Variants in AGAP1 observed in about 807,000 individuals in gnomAD.
AGAP1 encodes the protein ArfGAP with GTPase domain, ankyrin repeat and PH domain 1.
A neutral mutation model predicts 105.3 loss-of-function variants in AGAP1; 29 were observed. The ratio of observed to expected loss-of-function variants is 0.28; its 90% confidence interval spans 0.21 to 0.38. The LOEUF (loss-of-function observed/expected upper bound fraction) is 0.38, where lower values mean the gene tolerates loss of function less well. Among genes scored for constraint, AGAP1 ranks in the 10% least tolerant of loss-of-function variants. The pLI, the probability that AGAP1 is intolerant of heterozygous loss-of-function variation, is 1.00. For synonymous variants in AGAP1, 509 were observed against 485.9 expected (o/e 1.05, Z -0.63); for missense variants, 998 against 1,165.1 (o/e 0.86, Z 2.09).
Position 235,904,481 on chromosome 2 carries a change from C to T in AGAP1, c.1156-4257C>T, listed in dbSNP as rs528560580. On this transcript the variant is annotated intron_variant, in intron 10 of 17. Transcript: ENST00000304032. The surrounding 1 kb of genome is among the most constrained non-coding windows in gnomAD (Gnocchi z 4.2). ...CTGGCTCTTGAGTGGGCCCCAGGGA[C>T]TTGTTAAGTGCTGTTTAAAAGTACT... Among the ~76,000 whole-genome samples the T allele has an allele frequency of 3.3e-5, 5 of 152,162 alleles. No homozygotes were observed. The highest frequency in any genetic ancestry group is 7.3e-5 in the Non-Finnish European group (5 of 68,036).
At chr2:235,679,224 G>A (rs1948929069) in intron 1 of AGAP1, among the ~76,000 whole-genome samples, 1 of 152,182 alleles carries the variant, frequency 6.6e-6, no homozygotes. Flanking sequence ...TCTACCTTGT[G>A]CCAGTAAACA....
At chr2:235,613,617 C>T (rs1946211727) in intron 1 of AGAP1, among the ~76,000 whole-genome samples, 1 of 151,986 alleles carries the variant, frequency 6.6e-6, no homozygotes. Context: ...TCCCCATTCT[C>T]CCTGAAAAAA....
Position 235,691,621 on chromosome 2 carries a change from T to C in AGAP1, c.164-17558T>C, listed in dbSNP as rs185223847. ...TCCCATGTTGACAAGTGCTGGACAGTGGACACCAGCGGGAGACTCAGTACA... is the reference window on the plus strand; with the variant it reads ...TCCCATGTTGACAAGTGCTGGACAGCGGACACCAGCGGGAGACTCAGTACA... On this transcript the variant is annotated intron_variant, in intron 1 of 17. Transcript: ENST00000304032. The surrounding 1 kb of genome is among the most constrained non-coding windows in gnomAD (Gnocchi z 4.4). Among the ~76,000 whole-genome samples the C allele has an allele frequency of 1.4e-4, 21 of 152,336 alleles. No individual in the cohort carries two copies. Among genetic ancestry groups the C allele is most frequent in the Admixed American group, 1.3e-3 (20 of 15,300 alleles).
At chr2:235,913,357 ATTTG>A (rs1268716232) in intron 11 of AGAP1, among the ~76,000 whole-genome samples, 3 of 151,926 alleles carry the variant, frequency 2.0e-5, no homozygotes, top group East Asian at 1.9e-4. Context: ...TCCACCTTTA[ATTTG>A]TTTGTGTCTA....
intron 1 of AGAP1, among the ~76,000 whole-genome samples, chr2:235,626,077 G>A (rs1226954652): frequency 1.3e-5 from 2 of 151,998 alleles, no homozygotes; most frequent in Non-Finnish European, 2.9e-5. Flanking sequence ...AGGCCAGTGC[G>A]GTGGCTCATG....
At chr2:235,954,584 A>G (rs2053870968) in intron 12 of AGAP1, among the ~76,000 whole-genome samples, 2 of 149,950 alleles carry the variant, frequency 1.3e-5, no homozygotes, top group East Asian at 2.0e-4. Flanking sequence ...TGTGTGAATG[A>G]TAATTGTCTG....
intron 16 of AGAP1, among the ~76,000 whole-genome samples, chr2:236,098,443 G>A (rs995515471): frequency 2.6e-5 from 4 of 151,714 alleles, no homozygotes; most frequent in East Asian, 1.9e-4. Flanking sequence ...GGTGGTGCAC[G>A]CCTGTAATCC....
intron 16 of AGAP1, among the ~76,000 whole-genome samples, chr2:236,068,543 G>A (rs1351449535): frequency 2.0e-5 from 3 of 152,026 alleles, no homozygotes; most frequent in Non-Finnish European, 4.4e-5. Flanking sequence ...GCTCACGCCT[G>A]TAATCCCAGC....
At position 236,036,418 on chromosome 2, in the gene AGAP1, G is replaced by A. The variant is rs559351574; in HGVS notation, c.1646-143G>A. ...GGGAGGTGCATGGATTCAAATCTCCGCCGCCGTGGTTGTCCAGTGCCGTGC... is the reference window on the plus strand; with the variant it reads ...GGGAGGTGCATGGATTCAAATCTCCACCGCCGTGGTTGTCCAGTGCCGTGC... On this transcript the variant is annotated intron_variant, in intron 13 of 17. Transcript: ENST00000304032. This position sits in a 1 kb window ranked among gnomAD's most constrained non-coding sequence, Gnocchi z 5.7. The A allele has an allele frequency of 2.1e-5, 23 of 1,092,676 alleles. No homozygotes were observed. The highest frequency in any genetic ancestry group is 2.3e-4 in the Middle Eastern group (1 of 4,324). 67.7% of individuals were successfully genotyped at this position (1,092,676 alleles called of 1,614,324 possible).
rs1162994242 is a variant in AGAP1 at position 235,931,847 on chromosome 2, C to G, written c.1483+924C>G. ...CAAACCAAGCCGGGAGACGCGGAGT[C>G]AGCGAGGTAGCTCCACACCATAGCG... On this transcript the variant is annotated intron_variant, in intron 12 of 17. Transcript: ENST00000304032. The surrounding 1 kb of genome is among the most constrained non-coding windows in gnomAD (Gnocchi z 5.6). 6.6e-6 allele frequency among the ~76,000 whole-genome samples: 1 copy of G among 152,020 alleles called. No homozygotes were observed. Among genetic ancestry groups the G allele is most frequent in the East Asian group, 1.9e-4 (1 of 5,136 alleles).
chr2:235,975,659 A>G (rs977306918), intron 13 of AGAP1, among the ~76,000 whole-genome samples: 6 of 152,202 alleles, frequency 3.9e-5, no homozygotes, highest in Non-Finnish European at 7.3e-5. Context: ...TATCCAGTCT[A>G]CAGGGGCTTT....
In AGAP1 at chr2:236,083,027, C is replaced by G. The variant is rs182868823; in HGVS notation, c.2114+33746C>G. Among the ~76,000 whole-genome samples the G allele has an allele frequency of 2.0e-5, 3 of 152,042 alleles. No homozygotes were observed. In the East Asian group the frequency reaches 5.8e-4, roughly 30 times the overall value. On this transcript the variant is annotated intron_variant, in intron 16 of 17. Coordinates refer to ENST00000304032, the MANE Select transcript of AGAP1 (RefSeq NM_001037131.3). This position sits in a 1 kb window ranked among gnomAD's most constrained non-coding sequence, Gnocchi z 5.3. The stretch of plus-strand genomic sequence containing the variant: ...AAAATTAGGCAGGCGTGGTGGTGCA[C>G]GCCTGTAATCCCAGCTACTTAGGAG...
rs939198821 is a variant in AGAP1, at chr2:235,734,142, C to G, written c.311-6821C>G. Among the ~76,000 whole-genome samples the G allele has an allele frequency of 5.3e-5, 8 of 152,130 alleles. No individual in the cohort carries two copies. The highest frequency in any genetic ancestry group is 1.0e-4 in the Non-Finnish European group (7 of 68,030). On this transcript the variant is annotated intron_variant, in intron 3 of 17. Coordinates refer to ENST00000304032, the MANE Select transcript of AGAP1 (RefSeq NM_001037131.3). The surrounding 1 kb of genome is among the most constrained non-coding windows in gnomAD (Gnocchi z 5.3). ...TCCTTTTCAAGGTATCCATCTCATC[C>G]CACTTGTTAAAAATAATTAGGGAAT...
In AGAP1 at chr2:235,582,361, T is replaced by C. The variant is rs754920770; in HGVS notation, c.163+87512T>C. Among the ~76,000 whole-genome samples, 1 of 152,218 alleles carries C rather than the reference T, an allele frequency of 6.6e-6. No individual in the cohort carries two copies. The highest frequency in any genetic ancestry group is 1.5e-5 in the Non-Finnish European group (1 of 68,038). On this transcript the variant is annotated intron_variant, in intron 1 of 17. Transcript: ENST00000304032. This position sits in a 1 kb window ranked among gnomAD's most constrained non-coding sequence, Gnocchi z 4.7. Reference sequence around the variant, plus strand: ...CACTAAAGCCCAAGACCAGGATTGCTTGTCCTTTGCAGTGTGCTGGACAGG... The same window carrying C: ...CACTAAAGCCCAAGACCAGGATTGCCTGTCCTTTGCAGTGTGCTGGACAGG...
intron 6 of AGAP1, among the ~76,000 whole-genome samples, chr2:235,767,871 G>A (rs962314482): frequency 1.2e-4 from 15 of 129,270 alleles, no homozygotes; most frequent in African/African-American, 3.5e-4. Flanking sequence ...TGCAACCTCC[G>A]CCTCCGAGGT....
intron 4 of AGAP1, among the ~76,000 whole-genome samples, chr2:235,742,395 G>T (rs182301324): frequency 2.0e-5 from 3 of 152,274 alleles, no homozygotes; most frequent in African/African-American, 7.2e-5. Flanking sequence ...ATAATTAGGT[G>T]CATTCTGATT....
Position 236,105,047 on chromosome 2 carries a change from G to A in AGAP1, c.2115-15145G>A, listed in dbSNP as rs1312001638. On this transcript the variant is annotated intron_variant, in intron 16 of 17. Coordinates refer to ENST00000304032, the MANE Select transcript of AGAP1 (RefSeq NM_001037131.3). The surrounding 1 kb of genome is among the most constrained non-coding windows in gnomAD (Gnocchi z 4.2). ...TAGCATCAGGAGAGACACTGTCCTG[G>A]CTGCTGGGTGGGAAGATAAAGCTGA... Among the ~76,000 whole-genome samples, 1 of 152,086 alleles carries A rather than the reference G, an allele frequency of 6.6e-6. No individual in the cohort carries two copies. The highest frequency in any genetic ancestry group is 1.5e-5 in the Non-Finnish European group (1 of 68,022).
chr2:235,706,452 TCTC>T (rs1950540288), intron 1 of AGAP1, among the ~76,000 whole-genome samples: 2 of 151,894 alleles, frequency 1.3e-5, no homozygotes. Flanking sequence ...ATGATCTTGA[TCTC>T]CTGACCTCGT....
rs531039273 is a variant in AGAP1, at chr2:235,759,317, T to C, written c.673+8829T>C. Among the ~76,000 whole-genome samples the C allele has an allele frequency of 4.3e-3, 654 of 152,058 alleles. 3 individuals carry two copies. The highest frequency in any genetic ancestry group is 0.014 in the Middle Eastern group (4 of 294). On this transcript the variant is annotated intron_variant, in intron 6 of 17. Transcript: ENST00000304032. ...CCAAGTAGCTGGGACTACAGGCGCC[T>C]GCCACCACGCCCGGCTAATTTTTTT... is the stretch of plus-strand genomic sequence containing the variant.
Sources: gnomAD v4.1 joint callset for allele counts (sites outside exome capture counted in the v4.1 genomes callset) on GRCh38, gnomAD v4.1.1 for gene constraint, Gnocchi (gnomAD v3.1) non-coding constraint, MANE v1.5 for transcripts, NCBI Gene and HGNC (gene_info 2026-07-23, HGNC 2026-07-21) for gene names.